The following FOCAD variants were observed in gnomAD, a reference collection of about 807,000 sequenced individuals.
FOCAD encodes focadhesin, also known as KIAA1797.
In FOCAD, 198 loss-of-function variants were observed where a neutral mutation model predicts 225.6. That is an observed-to-expected ratio of 0.88 (90% CI 0.78 to 0.99). FOCAD has a LOEUF of 0.99. Among genes scored for constraint, FOCAD ranks in the 50% least tolerant of loss-of-function variants. The pLI, the probability that FOCAD is intolerant of heterozygous loss-of-function variation, is 0.00. For synonymous variants in FOCAD, 897 were observed against 755.0 expected, an observed-to-expected ratio of 1.19 and a Z score of -3.08; for missense variants, 2,713 against 2,123.6, an observed-to-expected ratio of 1.28 and a Z score of -5.46.
At chr9:20,975,645 A>G (rs570158703) in intron 35 of FOCAD, among the ~76,000 whole-genome samples, 200 of 152,362 alleles carry the variant, frequency 1.3e-3, no homozygotes, top group African/African-American at 4.6e-3. Context: ...ATAAAAAGAC[A>G]AGAGTGTGCA....
intron 21 of FOCAD, among the ~76,000 whole-genome samples, chr9:20,891,311 G>T (rs1220022699): frequency 1.3e-5 from 2 of 152,180 alleles, no homozygotes; most frequent in East Asian, 3.8e-4. Flanking sequence ...ATGAAAGGAA[G>T]AGTTACATAT....
chr9:20,741,345 A>G (rs1452132880), intron 5 of FOCAD, among the ~76,000 whole-genome samples: 3 of 152,178 alleles, frequency 2.0e-5, no homozygotes. Context: ...ATAAGTAAAC[A>G]GTATCTCATA....
At chr9:20,806,267 A>G (rs544197504) in intron 11 of FOCAD, among the ~76,000 whole-genome samples, 1 of 152,310 alleles carries the variant, frequency 6.6e-6, no homozygotes, top group South Asian at 2.1e-4. Flanking sequence ...TTCTATATGA[A>G]GTATTATTTT....
chr9:20,829,297 G>C (rs949155985), intron 15 of FOCAD, among the ~76,000 whole-genome samples: 1 of 152,050 alleles, frequency 6.6e-6, no homozygotes, highest in Non-Finnish European at 1.5e-5. Context: ...ACCAGCATCT[G>C]TTATTTCTTG....
rs546496547 is a variant in FOCAD, at chr9:20,838,264, A to T, written c.1920+15149A>T. ...TTTGTGATTTAGATGACATTATACCACATAGGTCTTTTTTTTTTTAATTTT... is the reference window on the plus strand; with the variant it reads ...TTTGTGATTTAGATGACATTATACCTCATAGGTCTTTTTTTTTTTAATTTT... On this transcript the variant is annotated intron_variant, in intron 15 of 43. Transcript: ENST00000338382. Among the ~76,000 whole-genome samples the T allele has an allele frequency of 9.1e-4, 138 of 150,920 alleles. 2 individuals are homozygous for T. Among genetic ancestry groups the T allele is most frequent in the African/African-American group, 3.3e-3 (136 of 41,192 alleles).
At chr9:20,698,794 A>G (rs990425038) in intron 1 of FOCAD, among the ~76,000 whole-genome samples, 4 of 152,204 alleles carry the variant, frequency 2.6e-5, no homozygotes, top group Admixed American at 1.3e-4. Flanking sequence ...TTACTGATCA[A>G]TATTTTATCT....
At chr9:20,798,307 TC>T (rs1821368245) in intron 11 of FOCAD, among the ~76,000 whole-genome samples, 1 of 152,160 alleles carries the variant, frequency 6.6e-6, no homozygotes, top group Non-Finnish European at 1.5e-5. Context: ...TCTAAAATTC[TC>T]TTTTTTGGTT....
chr9:20,685,457 A>G (rs1191497874), intron 1 of FOCAD, among the ~76,000 whole-genome samples: 2 of 152,212 alleles, frequency 1.3e-5, no homozygotes, highest in African/African-American at 2.4e-5. Flanking sequence ...GTCAACGAAC[A>G]TTGTATCTGT....
At chr9:20,719,958 T>A (rs1825648907) in intron 3 of FOCAD, among the ~76,000 whole-genome samples, 1 of 152,072 alleles carries the variant, frequency 6.6e-6, no homozygotes, top group South Asian at 2.1e-4. Flanking sequence ...AGAAGGAACA[T>A]CTTCTGAAAA....
intron 15 of FOCAD, among the ~76,000 whole-genome samples, chr9:20,837,615 T>G (rs899628923): frequency 1.3e-5 from 2 of 152,044 alleles, no homozygotes; most frequent in African/African-American, 4.8e-5. Flanking sequence ...AGTAGGGCAG[T>G]AGACAAAATG....
intron 18 of FOCAD, among the ~76,000 whole-genome samples, chr9:20,873,687 T>C (rs1258588929): frequency 6.6e-6 from 1 of 151,484 alleles, no homozygotes; most frequent in African/African-American, 2.4e-5. Context: ...ATTATTATTC[T>C]TAAGAGAAGC....
At chr9:20,932,910 G>C (rs1564170875) in intron 27 of FOCAD, 104 bp from the exon 28 acceptor site, 1 of 782,428 alleles carries the variant, frequency 1.3e-6, no homozygotes, top group Non-Finnish European at 2.1e-6. Flanking sequence ...TAAGAGAAAT[G>C]CTGGTATTTC....
At chr9:20,937,703 G>C (rs1804001877) in intron 28 of FOCAD, among the ~76,000 whole-genome samples, 1 of 151,960 alleles carries the variant, frequency 6.6e-6, no homozygotes, top group Admixed American at 6.5e-5. Context: ...CAAAAGCAAT[G>C]TCAAGAAAGG....
chr9:20,816,880 G>A (rs555904892), intron 11 of FOCAD, among the ~76,000 whole-genome samples: 62 of 152,154 alleles, frequency 4.1e-4, no homozygotes, highest in African/African-American at 1.5e-3. Context: ...ATTGTTTTAG[G>A]CATTATAAGT....
chr9:20,946,145 A>C (rs1474235739), intron 29 of FOCAD, among the ~76,000 whole-genome samples: 2 of 152,094 alleles, frequency 1.3e-5, no homozygotes. Flanking sequence ...TTCCCACACT[A>C]GTGCTATGAG....
intron 10 of FOCAD, among the ~76,000 whole-genome samples, chr9:20,785,307 C>A (rs570991787): frequency 6.6e-6 from 1 of 152,132 alleles, no homozygotes; most frequent in Non-Finnish European, 1.5e-5. Context: ...ATATTCGCAG[C>A]ATTGTATATT....
At chr9:20,714,663 C>CGTTG (rs1825176538) in intron 1 of FOCAD, among the ~76,000 whole-genome samples, 1 of 144,800 alleles carries the variant, frequency 6.9e-6, no homozygotes, top group Admixed American at 6.7e-5. Flanking sequence ...TTCCTTCCTT[C>CGTTG]CTTCCTTCCT....
intron 6 of FOCAD, among the ~76,000 whole-genome samples, chr9:20,762,296 C>T (rs963803999): frequency 1.3e-4 from 19 of 151,662 alleles, no homozygotes; most frequent in African/African-American, 4.1e-4. Flanking sequence ...TTTTAGTTTC[C>T]GAAAGTAGAA....
intron 2 of FOCAD, among the ~76,000 whole-genome samples, chr9:20,670,990 C>G (rs893114592): frequency 1.3e-5 from 2 of 152,092 alleles, no homozygotes; most frequent in Admixed American, 6.5e-5. Context: ...CTAGTAAATA[C>G]TAACTGTATA....
Sources: gnomAD v4.1 joint callset for allele counts (sites outside exome capture counted in the v4.1 genomes callset) on GRCh38, gnomAD v4.1.1 for gene constraint, MANE v1.5 for transcripts, NCBI Gene and HGNC (gene_info 2026-07-23, HGNC 2026-07-21) for gene names.